The following SPECC1 variants were observed in gnomAD, a reference collection of about 807,000 sequenced individuals.
SPECC1 encodes sperm antigen with calponin homology and coiled-coil domains 1, also known as cytospin-B.
In SPECC1, 62 loss-of-function variants were observed where a neutral mutation model predicts 104.1. The ratio of observed to expected loss-of-function variants is 0.60; its 90% CI spans 0.49 to 0.74. SPECC1 has a LOEUF of 0.74. SPECC1 is among the 30% of genes least tolerant of loss of function. SPECC1 has a pLI of 0.00. For synonymous variants in SPECC1, 513 were observed against 501.6 expected, an observed-to-expected ratio of 1.02 and a Z score of -0.30; for missense variants, 1,306 against 1,310.5, an observed-to-expected ratio of 1.00 and a Z score of 0.05.
chr17:20,214,027 C>G (rs1336359100), intron 4 of SPECC1, among the ~76,000 whole-genome samples: 1 of 152,210 alleles, frequency 6.6e-6, no homozygotes, highest in Non-Finnish European at 1.5e-5. Context: ...TCTTAACCCA[C>G]AGCAGTCACC....
intron 10 of SPECC1, among the ~76,000 whole-genome samples, 194 bp downstream of exon 10, chr17:20,253,780 G>T (rs1224283988): frequency 1.3e-5 from 2 of 152,122 alleles, no homozygotes; most frequent in African/African-American, 4.8e-5. Flanking sequence ...AGTGTCTCCT[G>T]CCAGCTGCAC....
chr17:20,100,617 A>G (rs1194397525), intron 2 of SPECC1, among the ~76,000 whole-genome samples: 1 of 152,132 alleles, frequency 6.6e-6, no homozygotes, highest in Non-Finnish European at 1.5e-5. Flanking sequence ...TGAATACCTG[A>G]CTTTCTTTTT....
intron 3 of SPECC1, among the ~76,000 whole-genome samples, chr17:20,134,225 C>A (rs1053844374): frequency 1.3e-5 from 2 of 151,772 alleles, no homozygotes; most frequent in African/African-American, 4.8e-5. Context: ...TAGCCTTGCC[C>A]CTTTCTCTGC....
chr17:20,045,771 A>T (rs1230366781), intron 1 of SPECC1, among the ~76,000 whole-genome samples: 1 of 152,148 alleles, frequency 6.6e-6, no homozygotes, highest in Non-Finnish European at 1.5e-5. Context: ...AGACTGTGGC[A>T]GTTTTTCCTG....
intron 7 of SPECC1, chr17:20,237,322 T>TC: frequency 9.2e-7 from 1 of 1,089,400 alleles, no homozygotes; most frequent in Non-Finnish European, 1.1e-6. Context: ...TTTGTTTTTT[T>TC]TTTTTTTTTG....
Position 20,107,909 on chromosome 17 carries a change from G to A in SPECC1, c.148-2518G>A, listed in dbSNP as rs1447628731. ...ACCTATAGTCCTAGCTACTTGGGAG[G>A]CTGAGGCAGGAAAGCCCAGGAATTC... On this transcript the variant is annotated intron_variant, in intron 2 of 14. Transcript: ENST00000395527. Among the ~76,000 whole-genome samples the A allele has an allele frequency of 3.3e-5, 5 of 152,142 alleles. No individual in the cohort carries two copies. The East Asian group carries it at 9.6e-4, about 29-fold the overall frequency.
chr17:20,215,894 C>T (rs886100281), intron 4 of SPECC1, among the ~76,000 whole-genome samples: 16 of 152,094 alleles, frequency 1.1e-4, no homozygotes, highest in Admixed American at 9.8e-4. Flanking sequence ...GATTTCCTTT[C>T]TGCTTTTGTT....
chr17:20,191,656 A>G (rs2035682283), intron 3 of SPECC1, among the ~76,000 whole-genome samples: 1 of 149,328 alleles, frequency 6.7e-6, no homozygotes, highest in Admixed American at 6.7e-5. Flanking sequence ...TAGCCCCCCC[A>G]CCCACTGACA....
rs1479658605 is a variant in SPECC1 at position 20,316,449 on chromosome 17, C to G, written c.*2384C>G. ...TAGCACCGTCTCAGCTCACTGCAACCTCCGCCGCCCGTGTTTAAGCGATTC... is the reference window on the plus strand; with the variant it reads ...TAGCACCGTCTCAGCTCACTGCAACGTCCGCCGCCCGTGTTTAAGCGATTC... On this transcript the variant is annotated 3_prime_UTR_variant, in exon 15 of 15. Coordinates refer to ENST00000395527, the MANE Select transcript of SPECC1 (RefSeq NM_001243439.2). 1.5e-5 allele frequency: 3 copies of G among 196,014 alleles called. No homozygotes were observed. The East Asian group carries it at 2.4e-4, about 15-fold the overall frequency. 12.1% of individuals were successfully genotyped at this position (196,014 alleles called of 1,614,324 possible). A position where few individuals can be genotyped will look rare whatever the true frequency, so the allele number is the denominator to read the frequency against.
intron 3 of SPECC1, among the ~76,000 whole-genome samples, chr17:20,178,161 C>T (rs966184318): frequency 6.6e-6 from 1 of 152,214 alleles, no homozygotes; most frequent in Non-Finnish European, 1.5e-5. Flanking sequence ...GCTGGGACTG[C>T]AGGCATGAGC....
chr17:20,068,495 T>A (rs966389083), intron 1 of SPECC1, among the ~76,000 whole-genome samples: 2 of 152,210 alleles, frequency 1.3e-5, no homozygotes, highest in African/African-American at 4.8e-5. Context: ...CTTTTGGATA[T>A]ATACCAAGGA....
chr17:20,039,024 C>A (rs9892175), intron 1 of SPECC1, among the ~76,000 whole-genome samples: 10,517 of 152,174 alleles, frequency 0.069, 985 homozygotes, highest in African/African-American at 0.21. Context: ...AGAGTTGCGC[C>A]AACATCACCA....
chr17:20,036,361 C>T, intron 1 of SPECC1, among the ~76,000 whole-genome samples: 1 of 151,882 alleles, frequency 6.6e-6, no homozygotes, highest in East Asian at 1.9e-4. Flanking sequence ...AACTCCCGAC[C>T]TCAAGTTTTC....
Position 20,144,181 on chromosome 17 carries a change from T to C in SPECC1, c.283+33619T>C, listed in dbSNP as rs1305038382. 4.7e-3 allele frequency among the ~76,000 whole-genome samples: 596 copies of C among 127,828 alleles called. 26 individuals carry two copies. Among genetic ancestry groups the C allele is most frequent in the Non-Finnish European group, 7.6e-3 (458 of 60,240 alleles). The allele number at this position is 127,828 out of a possible 152,430, so 83.9% of individuals were successfully genotyped here. ...AATACTGTTTTTTTCTTTTCTTTTT[T>C]TTTTTTTTTTTTTTTTTTTTTGAGG... On this transcript the variant is annotated intron_variant, in intron 3 of 14. Coordinates refer to ENST00000395527, the MANE Select transcript of SPECC1 (RefSeq NM_001243439.2).
At chr17:20,174,772 C>T (rs558073496) in intron 3 of SPECC1, among the ~76,000 whole-genome samples, 1 of 152,166 alleles carries the variant, frequency 6.6e-6, no homozygotes, top group East Asian at 1.9e-4. Context: ...CCACAGGTCC[C>T]GCCGGCATTC....
chr17:20,264,379 G>T lies in SPECC1; in HGVS notation c.2940+4085G>T, dbSNP rs2013576. 1.6e-3 allele frequency among the ~76,000 whole-genome samples: 239 copies of T among 150,938 alleles called. 2 individuals are homozygous for T. The highest frequency in any genetic ancestry group is 5.5e-3 in the African/African-American group (224 of 41,092). ...ACTCTGTAGGTAGGTTTTCAACTCA[G>T]GCCTTCTTCCCTTCCTCCCTTGTCT... On this transcript the variant is annotated intron_variant, in intron 12 of 14. Coordinates refer to ENST00000395527, the MANE Select transcript of SPECC1 (RefSeq NM_001243439.2).
intron 12 of SPECC1, among the ~76,000 whole-genome samples, chr17:20,279,991 C>T (rs1009351875): frequency 1.3e-4 from 20 of 152,086 alleles, no homozygotes; most frequent in Non-Finnish European, 1.2e-4. Flanking sequence ...GGAACATAGT[C>T]GCATGTGTGT....
At chr17:20,029,050 C>T (rs1230492831) in intron 1 of SPECC1, among the ~76,000 whole-genome samples, 3 of 152,138 alleles carry the variant, frequency 2.0e-5, no homozygotes, top group Non-Finnish European at 4.4e-5. Flanking sequence ...GCATGAACCG[C>T]CACCCCCAGC....
chr17:20,057,657 A>ATT (rs1007741781), intron 1 of SPECC1: 8 of 142,560 alleles, frequency 5.6e-5, no homozygotes, highest in Non-Finnish European at 9.3e-5. Context: ...TGCCTGGTTA[A>ATT]TTTTTTTTTT....
Sources: gnomAD v4.1 joint callset for allele counts (sites outside exome capture counted in the v4.1 genomes callset) on GRCh38, gnomAD v4.1.1 for gene constraint, MANE v1.5 for transcripts, NCBI Gene and HGNC (gene_info 2026-07-23, HGNC 2026-07-21) for gene names.